EDDM3B: variants seen among roughly 807,000 people sequenced by gnomAD.
The protein encoded by EDDM3B is epididymal protein 3B, also known as epididymal secretory protein E3-beta.
For missense variants in EDDM3B, 189 were observed against 178.3 expected (o/e 1.06, Z -0.34); for synonymous variants, 71 against 59.1 (o/e 1.20, Z -0.92).
At position 20,770,906 on chromosome 14, in the gene EDDM3B, G is replaced by T; in HGVS notation, c.*312G>T. 3.4e-6 allele frequency: 1 copy of T among 290,672 alleles called. No individual in the cohort carries two copies. The highest frequency in any genetic ancestry group is 5.6e-5 in the South Asian group (1 of 17,834). The allele number at this position is 290,672 out of a possible 1,614,324, so 18.0% of individuals were successfully genotyped here. A position where few individuals can be genotyped will look rare whatever the true frequency, so the allele number is the denominator to read the frequency against. On this transcript the variant is annotated 3_prime_UTR_variant, in exon 2 of 2. Transcript: ENST00000326783. The stretch of plus-strand genomic sequence containing the variant: ...ATTGACTCTCTTGATACATACCCAA[G>T]CTGAACAATCTTCCCTTCCCTAAAT...
rs182799740 is a variant in EDDM3B at position 20,770,128 on chromosome 14, C to G, written c.-18-5C>G. ...CTTTTCTTTCTCTTCTCTGTGGACACGCAGGCGGCCCCGGTGACTGAGATG... is the reference window on the plus strand; with the variant it reads ...CTTTTCTTTCTCTTCTCTGTGGACAGGCAGGCGGCCCCGGTGACTGAGATG... On this transcript the variant is annotated splice_region_variant and splice_polypyrimidine_tract_variant and intron_variant, in intron 1 of 1. Transcript: ENST00000326783. 5 of 1,582,638 alleles carry G rather than the reference C, an allele frequency of 3.2e-6. No homozygotes were observed. In the African/African-American group the frequency reaches 6.8e-5, roughly 22 times the overall value.
chr14:20,770,462 G>C lies in EDDM3B; in HGVS notation c.312G>C (p.Lys104Asn), dbSNP rs1878309694. ...TCCAGAATCCTCTCAAAGTACTCAA[G>C]TGTCACCAGGAGAATTCCAAAAATA... ...VWVQNPLKVLKCHQENSKNSY... is the reference protein window; with the variant it reads ...VWVQNPLKVLNCHQENSKNSY... Residue 104 changes from lysine (K) to asparagine (N), a missense_variant, in exon 2 of 2, where the codon AAG becomes AAC. By Grantham distance (94) the Lys-to-Asn change is moderately conservative. Transcript: ENST00000326783. 1.2e-6 allele frequency: 2 copies of C among 1,614,190 alleles called. No homozygotes were observed. Among genetic ancestry groups the C allele is most frequent in the East Asian group, 4.5e-5 (2 of 44,870 alleles).
intron 1 of EDDM3B, among the ~76,000 whole-genome samples, chr14:20,768,979 A>G (rs1358303804): frequency 6.6e-6 from 1 of 152,204 alleles, no homozygotes; most frequent in Non-Finnish European, 1.5e-5. Context: ...GTAAATGAGG[A>G]CAGAGCACTA....
In EDDM3B at chr14:20,770,663, A is replaced by C; in HGVS notation, c.*69A>C. 1 of 1,243,414 alleles carries C rather than the reference A, an allele frequency of 8.0e-7. No individual in the cohort carries two copies. The highest frequency in any genetic ancestry group is 1.5e-5 in the South Asian group (1 of 68,436). 77.0% of individuals were successfully genotyped at this position (1,243,414 alleles called of 1,614,324 possible). A position where few individuals can be genotyped will look rare whatever the true frequency, so the allele number is the denominator to read the frequency against. On this transcript the variant is annotated 3_prime_UTR_variant, in exon 2 of 2. Transcript: ENST00000326783. ...TTTCTAAGTAGCAGCCCCTGCCTCC[A>C]TCAATAGTCCTACCACTCCCCTCTT...
In EDDM3B at chr14:20,770,608, A is replaced by G. The variant is rs3748339; in HGVS notation, c.*14A>G. Reference sequence around the variant, plus strand: ...ATCGGCAACTAGAAAGTCTATGCACATCCTCAGGTATTGGTAGAGTATTCA... The same window carrying G: ...ATCGGCAACTAGAAAGTCTATGCACGTCCTCAGGTATTGGTAGAGTATTCA... On this transcript the variant is annotated 3_prime_UTR_variant, in exon 2 of 2. Transcript: ENST00000326783. 0.05 allele frequency: 80,336 copies of G among 1,594,754 alleles called. 4,321 individuals are homozygous for G. Among genetic ancestry groups the G allele is most frequent in the African/African-American group, 0.26 (19,105 of 74,430 alleles).
Position 20,770,341 on chromosome 14 carries a change from G to C in EDDM3B, c.191G>C (p.Ser64Thr). The C allele has an allele frequency of 6.2e-7, 1 of 1,614,146 alleles. No homozygotes were observed. The highest frequency in any genetic ancestry group is 8.5e-7 in the Non-Finnish European group (1 of 1,180,028). Residue 64 changes from serine (S) to threonine (T), a missense_variant, in exon 2 of 2, where the codon AGC (serine) becomes ACC (threonine). Coordinates refer to ENST00000326783, the MANE Select transcript of EDDM3B (RefSeq NM_022360.5). ...MRENEALKDK[S>T]SHMFIYISWY... Reference sequence around the variant, plus strand: ...GAAAATGAAGCTCTGAAAGACAAGAGCTCTCACATGTTTATCTATATCTCA... The same window carrying C: ...GAAAATGAAGCTCTGAAAGACAAGACCTCTCACATGTTTATCTATATCTCA...
rs1878322439 is a variant in EDDM3B at position 20,770,786 on chromosome 14, C to T, written c.*192C>T. The T allele has an allele frequency of 1.8e-6, 1 of 568,972 alleles. No homozygotes were observed. Among genetic ancestry groups the T allele is most frequent in the Non-Finnish European group, 3.1e-6 (1 of 318,366 alleles). The allele number at this position is 568,972 out of a possible 1,614,324, so 35.2% of individuals were successfully genotyped here. On this transcript the variant is annotated 3_prime_UTR_variant, in exon 2 of 2. Transcript: ENST00000326783. ...CTGTGTTGTTTCTCTGCCTGGAATA[C>T]ACTTTTGTCTTCATTTACCTAATTT...
rs1165515960 is a variant in EDDM3B, at chr14:20,770,102, G to A, written c.-18-31G>A. ...GCTCTCTGGGCATTGTCTGGATAAT[G>A]CTTTTCTTTCTCTTCTCTGTGGACA... On this transcript the variant is annotated intron_variant, in intron 1 of 1. Transcript: ENST00000326783. 2 of 1,522,874 alleles carry A rather than the reference G, an allele frequency of 1.3e-6. 1 individual carries two copies. Among genetic ancestry groups the A allele is most frequent in the South Asian group, 2.6e-5 (2 of 77,998 alleles). The allele number at this position is 1,522,874 out of a possible 1,614,324, so 94.3% of individuals were successfully genotyped here.
chr14:20,770,336 C>T lies in EDDM3B; in HGVS notation c.186C>T (p.Asp62=), dbSNP rs759656115. 1 of 1,614,174 alleles carries T rather than the reference C, an allele frequency of 6.2e-7. No individual in the cohort carries two copies. The highest frequency in any genetic ancestry group is 2.2e-5 in the East Asian group (1 of 44,890). ...TGAGAGAAAATGAAGCTCTGAAAGA[C>T]AAGAGCTCTCACATGTTTATCTATA... The part of the protein sequence containing the change: ...VLMRENEALK[D]KSSHMFIYIS... The change falls in exon 2 of 2, where the codon GAC becomes GAT. Residue 62 remains aspartate, a synonymous_variant. Coordinates refer to ENST00000326783, the MANE Select transcript of EDDM3B (RefSeq NM_022360.5).
intron 1 of EDDM3B, among the ~76,000 whole-genome samples, chr14:20,769,552 C>A (rs1245916590): frequency 6.6e-6 from 1 of 152,116 alleles, no homozygotes; most frequent in Admixed American, 6.5e-5. Context: ...AATGAACATA[C>A]GTTCCACTCA....
At chr14:20,769,676 C>CT (rs1291002248) in intron 1 of EDDM3B, among the ~76,000 whole-genome samples, 1 of 152,174 alleles carries the variant, frequency 6.6e-6, no homozygotes, top group Non-Finnish European at 1.5e-5. Flanking sequence ...GAATCGAAGC[C>CT]TTCCTACCTA....
At chr14:20,769,198 T>C (rs2208597) in intron 1 of EDDM3B, among the ~76,000 whole-genome samples, 56,914 of 152,048 alleles carry the variant, frequency 0.37, 11,072 homozygotes, top group Non-Finnish European at 0.43. Flanking sequence ...AGGATTTTGA[T>C]ACTAGCCTGG....
intron 1 of EDDM3B, 24 bp downstream of exon 1, chr14:20,768,530 G>T (rs1056503513): frequency 7.2e-5 from 11 of 152,324 alleles, no homozygotes; most frequent in African/African-American, 2.7e-4. Context: ...TGCTGAGGAT[G>T]TTTGGGGGAC....
chr14:20,769,831 C>G (rs1180902882), intron 1 of EDDM3B, among the ~76,000 whole-genome samples: 4 of 152,148 alleles, frequency 2.6e-5, no homozygotes, highest in Non-Finnish European at 5.9e-5. Context: ...AAGGAGCCAG[C>G]TGGAGGGTGA....
At chr14:20,768,990 G>A (rs1878254770) in intron 1 of EDDM3B, among the ~76,000 whole-genome samples, 1 of 152,202 alleles carries the variant, frequency 6.6e-6, no homozygotes, top group African/African-American at 2.4e-5. Context: ...CAGAGCACTA[G>A]TTTAAACGGT....
At chr14:20,770,049 T>C in intron 1 of EDDM3B, 84 bp from the exon 2 acceptor site, 4 of 1,152,038 alleles carry the variant, frequency 3.5e-6, no homozygotes, top group Non-Finnish European at 3.6e-6. Flanking sequence ...GCCTGCCTGG[T>C]GGGGAAGGAA....
intron 1 of EDDM3B, among the ~76,000 whole-genome samples, chr14:20,769,651 G>C (rs1050491587): frequency 6.6e-6 from 1 of 152,188 alleles, no homozygotes; most frequent in Admixed American, 6.5e-5. Flanking sequence ...TTGCAGGCTA[G>C]GCTGTCATTT....
At position 20,770,325 on chromosome 14, in the gene EDDM3B, G is replaced by T; in HGVS notation, c.175G>T (p.Ala59Ser). Residue 59 changes from alanine (A) to serine (S), a missense_variant, in exon 2 of 2, where the codon GCT becomes TCT. By Grantham distance (99) the Ala-to-Ser change is moderately conservative. Coordinates refer to ENST00000326783, the MANE Select transcript of EDDM3B (RefSeq NM_022360.5). Reference sequence around the variant, plus strand: ...TGATGTCCTCATGAGAGAAAATGAAGCTCTGAAAGACAAGAGCTCTCACAT... The same window carrying T: ...TGATGTCCTCATGAGAGAAAATGAATCTCTGAAAGACAAGAGCTCTCACAT... ...KCDVLMRENE[A>S]LKDKSSHMFI... 6.8e-6 allele frequency: 11 copies of T among 1,614,166 alleles called. No homozygotes were observed. The highest frequency in any genetic ancestry group is 8.5e-6 in the Non-Finnish European group (10 of 1,180,026).
In EDDM3B at chr14:20,770,498, G is replaced by C; in HGVS notation, c.348G>C (p.Glu116Asp). Residue 116 changes from glutamate (E) to aspartate (D), a missense_variant, in exon 2 of 2, where the codon GAG becomes GAC. Glu to Asp is a conservative substitution (Grantham distance 45, BLOSUM62 2). Coordinates refer to ENST00000326783, the MANE Select transcript of EDDM3B (RefSeq NM_022360.5). ...AGAATTCCAAAAATAGCTACACAGAGAGCAGGAGCTTCAACTACATTGAAT... is the reference window on the plus strand; with the variant it reads ...AGAATTCCAAAAATAGCTACACAGACAGCAGGAGCTTCAACTACATTGAAT... The part of the protein sequence containing the change: ...HQENSKNSYT[E>D]SRSFNYIEFH... 6.2e-7 allele frequency: 1 copy of C among 1,614,122 alleles called. No individual in the cohort carries two copies.
Sources: gnomAD v4.1 joint callset for allele counts (sites outside exome capture counted in the v4.1 genomes callset) on GRCh38, gnomAD v4.1.1 for gene constraint, MANE v1.5 for transcripts, NCBI Gene and HGNC (gene_info 2026-07-23, HGNC 2026-07-21) for gene names.